The following ACTR6 variants were observed in gnomAD, a reference collection of about 807,000 sequenced individuals.
ACTR6 encodes the protein actin-related protein 6.
In ACTR6, 50 loss-of-function variants were observed where a neutral mutation model predicts 52.5. That is an observed-to-expected ratio of 0.95 (90% CI 0.76 to 1.20). The LOEUF is 1.20. Ranked by LOEUF, ACTR6 falls within the 50% of genes most tolerant of loss-of-function variation. ACTR6 has a pLI of 0.00. For missense variants in ACTR6, 344 were observed against 472.4 expected (o/e 0.73, Z 2.52); for synonymous variants, 135 against 147.2 (o/e 0.92, Z 0.60).
chr12:100,201,792 T>C (rs1287648467), intron 1 of ACTR6, among the ~76,000 whole-genome samples: 1 of 152,182 alleles, frequency 6.6e-6, no homozygotes, highest in Admixed American at 6.5e-5. Context: ...CAGCGAATTT[T>C]TTGTATTTTT....
intron 6 of ACTR6, 130 bp from the exon 7 acceptor site, chr12:100,212,126 T>C: frequency 1.6e-6 from 1 of 617,568 alleles, no homozygotes; most frequent in Admixed American, 3.2e-5. Context: ...AAAATTATTT[T>C]ACACATTCAA....
In ACTR6 at chr12:100,218,645, C is replaced by A; in HGVS notation, c.922+59C>A. The A allele has an allele frequency of 8.8e-7, 1 of 1,137,816 alleles. No individual in the cohort carries two copies. The highest frequency in any genetic ancestry group is 1.1e-6 in the Non-Finnish European group (1 of 871,346). 70.5% of individuals were successfully genotyped at this position (1,137,816 alleles called of 1,614,324 possible). On this transcript the variant is annotated intron_variant, in intron 9 of 10. Coordinates refer to ENST00000188312, the MANE Select transcript of ACTR6 (RefSeq NM_022496.5). The surrounding 1 kb of genome is among the most constrained non-coding windows in gnomAD (Gnocchi z 4.2). ...AATTGTTTTAAAAACATCATAAGCC[C>A]TGTGAACCCTGTTTCCTCTAAATAA...
chr12:100,202,385 A>G (rs934044704), intron 1 of ACTR6, among the ~76,000 whole-genome samples: 5 of 152,218 alleles, frequency 3.3e-5, no homozygotes, highest in Admixed American at 2.6e-4. Flanking sequence ...CCTGAGACTG[A>G]TAACAAATTC....
intron 4 of ACTR6, among the ~76,000 whole-genome samples, chr12:100,208,351 G>A (rs1306401827): frequency 6.6e-6 from 1 of 151,410 alleles, no homozygotes; most frequent in Non-Finnish European, 1.5e-5. Context: ...AGCAATCTCT[G>A]CTCACCCTCC....
intron 8 of ACTR6, among the ~76,000 whole-genome samples, chr12:100,217,120 C>T (rs1439543121): frequency 2.0e-5 from 3 of 152,050 alleles, no homozygotes; most frequent in Non-Finnish European, 4.4e-5. Flanking sequence ...GGAAAATATG[C>T]CCGTGTTACA....
In ACTR6 at chr12:100,223,966, C is replaced by T; in HGVS notation, c.*51C>T. 6.4e-7 allele frequency: 1 copy of T among 1,564,698 alleles called. No homozygotes were observed. The highest frequency in any genetic ancestry group is 1.2e-5 in the South Asian group (1 of 83,880). On this transcript the variant is annotated 3_prime_UTR_variant, in exon 11 of 11. Coordinates refer to ENST00000188312, the MANE Select transcript of ACTR6 (RefSeq NM_022496.5). Reference sequence around the variant, plus strand: ...ACCATAAGGTTTAATTTCAAAGTTCCTTTTAAAAGAGGTTAAGGAACTGTG... The same window carrying T: ...ACCATAAGGTTTAATTTCAAAGTTCTTTTTAAAAGAGGTTAAGGAACTGTG...
chr12:100,221,247 T>C (rs1443984249), intron 10 of ACTR6, among the ~76,000 whole-genome samples: 1 of 152,076 alleles, frequency 6.6e-6, no homozygotes, highest in Non-Finnish European at 1.5e-5. Context: ...AGTGGCAGAG[T>C]TGCAAACAAG....
intron 6 of ACTR6, 65 bp from the exon 7 acceptor site, chr12:100,212,191 T>C: frequency 8.3e-7 from 1 of 1,198,788 alleles, no homozygotes; most frequent in South Asian, 1.6e-5. Flanking sequence ...AGAAAAAAAT[T>C]TCAGATAATT....
chr12:100,204,912 G>C (rs2096113246), intron 1 of ACTR6, 28 bp from the exon 2 acceptor site: 1 of 1,400,998 alleles, frequency 7.1e-7, no homozygotes, highest in African/African-American at 1.4e-5. Context: ...AATATTTAGG[G>C]GATAATTATT....
At chr12:100,208,215 T>A (rs2096116615) in intron 4 of ACTR6, among the ~76,000 whole-genome samples, 1 of 152,048 alleles carries the variant, frequency 6.6e-6, no homozygotes. Context: ...AAAGAAACTC[T>A]TAAAGTTCCA....
intron 6 of ACTR6, 26 bp from the exon 7 acceptor site, chr12:100,212,230 A>C: frequency 6.8e-7 from 1 of 1,479,900 alleles, no homozygotes; most frequent in Non-Finnish European, 9.1e-7. Context: ...TTTTGCTTCA[A>C]ATTTTACAAC....
chr12:100,223,173 A>G (rs2096129656), intron 10 of ACTR6, among the ~76,000 whole-genome samples: 1 of 151,332 alleles, frequency 6.6e-6, no homozygotes, highest in Non-Finnish European at 1.5e-5. Context: ...CCCCACCTCT[A>G]CTAAAAATAC....
chr12:100,220,226 T>C, intron 10 of ACTR6, 80 bp downstream of exon 10: 1 of 1,440,162 alleles, frequency 6.9e-7, no homozygotes, highest in Non-Finnish European at 9.5e-7. Flanking sequence ...GTTTAAAACC[T>C]GGCTCTCCCA....
intron 2 of ACTR6, 41 bp downstream of exon 2, chr12:100,205,098 CTAAATT>C: frequency 1.6e-6 from 2 of 1,223,076 alleles, no homozygotes; most frequent in Non-Finnish European, 2.3e-6. Flanking sequence ...CATTGTAGAC[CTAAATT>C]TAAAGATAAT....
chr12:100,209,373 T>G (rs2096117905), intron 4 of ACTR6, among the ~76,000 whole-genome samples: 1 of 151,992 alleles, frequency 6.6e-6, no homozygotes, highest in South Asian at 2.1e-4. Context: ...ATTAAAAAAT[T>G]AACCAGGCAT....
At chr12:100,206,203 G>T (rs978545614) in intron 3 of ACTR6, 20 of 152,240 alleles carry the variant, frequency 1.3e-4, no homozygotes, top group African/African-American at 4.8e-4. Context: ...TGCAGGCCAA[G>T]CGCAGTGGCT....
Position 100,207,718 on chromosome 12 carries a change from C to G in ACTR6, c.311C>G (p.Ser104Ter), listed in dbSNP as rs376480727. Residue 104 changes from serine to a stop codon, truncating the protein, a stop_gained, in exon 4 of 11, where the codon TCA becomes TGA. Coordinates refer to ENST00000188312, the MANE Select transcript of ACTR6 (RefSeq NM_022496.5). LOFTEE classifies it high-confidence loss of function. ...IITEPYFNFTSIQESMNEILF... is the reference protein window; with the variant it reads ...IITEPYFNFT Reference sequence around the variant, plus strand: ...ACTGAACCATACTTTAACTTCACTTCAATTCAAGAATCAATGAATGAAATT... The same window carrying G: ...ACTGAACCATACTTTAACTTCACTTGAATTCAAGAATCAATGAATGAAATT... The G allele has an allele frequency of 3.8e-6, 6 of 1,589,924 alleles. No homozygotes were observed. Among genetic ancestry groups the G allele is most frequent in the Non-Finnish European group, 5.2e-6 (6 of 1,161,964 alleles).
chr12:100,202,857 C>CAA (rs541518616), intron 1 of ACTR6, among the ~76,000 whole-genome samples: 2,543 of 110,344 alleles, frequency 0.023, 79 homozygotes, highest in African/African-American at 0.072. Flanking sequence ...GACTCGGTCT[C>CAA]AAAAAAAAAA....
intron 9 of ACTR6, among the ~76,000 whole-genome samples, chr12:100,219,535 A>G (rs1301774612): frequency 6.6e-6 from 1 of 152,168 alleles, no homozygotes; most frequent in Non-Finnish European, 1.5e-5. Context: ...CACAACATAC[A>G]TGTTTGCCTC....
Sources: gnomAD v4.1 joint callset for allele counts (sites outside exome capture counted in the v4.1 genomes callset) on GRCh38, gnomAD v4.1.1 for gene constraint, Gnocchi (gnomAD v3.1) non-coding constraint, MANE v1.5 for transcripts, NCBI Gene and HGNC (gene_info 2026-07-23, HGNC 2026-07-21) for gene names.